The following SOX13 variants were observed in gnomAD, a reference collection of about 807,000 sequenced individuals.
SOX13 encodes the protein SRY-box transcription factor 13.
A neutral mutation model predicts 71.8 loss-of-function variants in SOX13; 28 were observed. That is an observed-to-expected ratio of 0.39 (90% confidence interval 0.29 to 0.53). The LOEUF is 0.53. Ranked by LOEUF, SOX13 falls within the 20% of genes least tolerant of loss-of-function variation. The probability of loss-of-function intolerance (pLI) is 0.70; values close to 1 mark genes in which losing one functional copy is unlikely to be tolerated. For synonymous variants in SOX13, 309 were observed against 317.8 expected, an observed-to-expected ratio of 0.97 and a Z score of 0.29; for missense variants, 627 against 810.3, an observed-to-expected ratio of 0.77 and a Z score of 2.75.
Position 204,085,848 on chromosome 1 carries a change from C to T in SOX13, c.-2+12137C>T, listed in dbSNP as rs190704115. 9.9e-5 allele frequency among the ~76,000 whole-genome samples: 15 copies of T among 151,308 alleles called. 1 individual carries two copies. The East Asian group carries it at 2.5e-3, about 26-fold the overall frequency. ...CAAAAAAATTAGCTGGGCGTGGTGC[C>T]GGGGGCCTGTAGTCCCAGCTACTCG... On this transcript the variant is annotated intron_variant, in intron 1 of 13. Coordinates refer to ENST00000367204, the MANE Select transcript of SOX13 (RefSeq NM_005686.3).
chr1:204,102,621 G>C (rs1656383731), intron 1 of SOX13, among the ~76,000 whole-genome samples: 1 of 151,734 alleles, frequency 6.6e-6, no homozygotes, highest in Non-Finnish European at 1.5e-5. Flanking sequence ...ACATGGAGCA[G>C]ATGGAGGAGG....
At chr1:204,075,910 A>G (rs186094906) in intron 1 of SOX13, among the ~76,000 whole-genome samples, 1 of 152,314 alleles carries the variant, frequency 6.6e-6, no homozygotes, top group East Asian at 1.9e-4. Context: ...AGAGCCCAGA[A>G]GAGCACTTGG....
chr1:204,105,438 C>T (rs1476731281), intron 1 of SOX13, among the ~76,000 whole-genome samples: 11 of 109,864 alleles, frequency 1.0e-4, no homozygotes, highest in African/African-American at 5.6e-4. Flanking sequence ...CAGAGTCTCC[C>T]TCAGTCACCC....
At chr1:204,102,775 A>C (rs751162913) in intron 1 of SOX13, among the ~76,000 whole-genome samples, 1 of 151,920 alleles carries the variant, frequency 6.6e-6, no homozygotes, top group African/African-American at 2.4e-5. Context: ...CTCTATCTCT[A>C]TGGGGTAGGT....
chr1:204,126,023 C>T lies in SOX13; in HGVS notation c.1758C>T (p.Gly586=), dbSNP rs770932699. ...NTCSLREEGE[G]TDDRHSVADG... ...GCAGCCTCAGAGAGGAGGGTGAGGG[C>T]ACAGATGACAGGCACTCGGTGGCTG... The change falls in exon 14 of 14, where the codon GGC becomes GGT. Residue 586 remains glycine (G), a synonymous_variant. Transcript: ENST00000367204. 8.1e-6 allele frequency: 13 copies of T among 1,613,856 alleles called. No individual in the cohort carries two copies. Among genetic ancestry groups the T allele is most frequent in the Non-Finnish European group, 1.1e-5 (13 of 1,179,906 alleles).
At chr1:204,107,036 A>G (rs1017143750) in intron 1 of SOX13, among the ~76,000 whole-genome samples, 8 of 152,222 alleles carry the variant, frequency 5.3e-5, no homozygotes, top group African/African-American at 1.9e-4. Context: ...ATGATTGGTC[A>G]GAGTTGGGAT....
chr1:204,112,037 A>G (rs1656588746), intron 1 of SOX13, among the ~76,000 whole-genome samples: 1 of 152,228 alleles, frequency 6.6e-6, no homozygotes, highest in South Asian at 2.1e-4. Context: ...AGAAATACCC[A>G]TTACTCAATT....
At chr1:204,113,186 C>A in intron 2 of SOX13, 52 bp downstream of exon 2, 1 of 1,408,912 alleles carries the variant, frequency 7.1e-7, no homozygotes, top group Admixed American at 2.6e-5. Context: ...TGTACCTGGG[C>A]TCTCTGCTCG....
chr1:204,114,759 G>T (rs1277123397), intron 4 of SOX13, among the ~76,000 whole-genome samples, 154 bp downstream of exon 4: 1 of 152,064 alleles, frequency 6.6e-6, no homozygotes, highest in African/African-American at 2.4e-5. Context: ...ACCATCCCTC[G>T]CCTGGAGGCC....
intron 1 of SOX13, among the ~76,000 whole-genome samples, chr1:204,091,657 A>G (rs1656146397): frequency 1.3e-5 from 2 of 152,116 alleles, no homozygotes. Context: ...CTGGGGTTTG[A>G]GTCCTGGCTC....
chr1:204,111,091 G>A (rs929226058), intron 1 of SOX13, among the ~76,000 whole-genome samples: 4 of 152,118 alleles, frequency 2.6e-5, no homozygotes, highest in Non-Finnish European at 5.9e-5. Flanking sequence ...TCCTTATACT[G>A]CATTCCAACT....
At chr1:204,077,457 C>A (rs377478737) in intron 1 of SOX13, among the ~76,000 whole-genome samples, 1 of 152,188 alleles carries the variant, frequency 6.6e-6, no homozygotes, top group Non-Finnish European at 1.5e-5. Flanking sequence ...TTGCTGTAGA[C>A]CCTTTTGTCC....
intron 13 of SOX13, among the ~76,000 whole-genome samples, chr1:204,125,154 T>C (rs111235779): frequency 0.018 from 2,767 of 152,246 alleles, 39 homozygotes; most frequent in Non-Finnish European, 0.029. Context: ...ATAAACTCAA[T>C]AGAAATTCAG....
chr1:204,114,694 C>G, intron 4 of SOX13, 89 bp downstream of exon 4: 1 of 977,678 alleles, frequency 1.0e-6, no homozygotes, highest in African/African-American at 1.6e-5. Flanking sequence ...TAGGGCAGTT[C>G]TTGGTACATA....
At chr1:204,078,664 C>G (rs1166046801) in intron 1 of SOX13, among the ~76,000 whole-genome samples, 1 of 152,148 alleles carries the variant, frequency 6.6e-6, no homozygotes, top group Non-Finnish European at 1.5e-5. Flanking sequence ...AGATGGGGAA[C>G]TAGACCCATG....
chr1:204,090,781 T>C (rs1231612970), intron 1 of SOX13, among the ~76,000 whole-genome samples: 1 of 152,124 alleles, frequency 6.6e-6, no homozygotes, highest in Admixed American at 6.5e-5. Flanking sequence ...GTGAATTTGG[T>C]AAGTGTGTAT....
At chr1:204,101,713 GC>G in intron 1 of SOX13, among the ~76,000 whole-genome samples, 1 of 152,108 alleles carries the variant, frequency 6.6e-6, no homozygotes. Context: ...GGTATTGTTA[GC>G]CCCCATTTCA....
At position 204,081,814 on chromosome 1, in the gene SOX13, T is replaced by C. The variant is rs912066555; in HGVS notation, c.-2+8103T>C. 1.3e-5 allele frequency among the ~76,000 whole-genome samples: 2 copies of C among 150,464 alleles called. No individual in the cohort carries two copies. Among genetic ancestry groups the C allele is most frequent in the East Asian group, 4.0e-4 (2 of 4,940 alleles). On this transcript the variant is annotated intron_variant, in intron 1 of 13. Coordinates refer to ENST00000367204, the MANE Select transcript of SOX13 (RefSeq NM_005686.3). The surrounding 1 kb of genome is among the most constrained non-coding windows in gnomAD (Gnocchi z 4.3). ...CCAGCCCTACTGAAGGAGTCTGAAG[T>C]CACTCAACCATCCTTGTGAGGTTTT...
rs1027810950 is a variant in SOX13, at chr1:204,108,722, G to C, written c.-1-4193G>C. On this transcript the variant is annotated intron_variant, in intron 1 of 13. Coordinates refer to ENST00000367204, the MANE Select transcript of SOX13 (RefSeq NM_005686.3). ...GAGGTGGCGCTGAGCCGACGGATCAGAGGCCCACAGGCCCGCATTGTGCGC... is the reference window on the plus strand; with the variant it reads ...GAGGTGGCGCTGAGCCGACGGATCACAGGCCCACAGGCCCGCATTGTGCGC... 7.2e-5 allele frequency among the ~76,000 whole-genome samples: 11 copies of C among 152,332 alleles called. No homozygotes were observed. In the East Asian group the frequency reaches 1.4e-3, roughly 19 times the overall value.
Sources: gnomAD v4.1 joint callset for allele counts (sites outside exome capture counted in the v4.1 genomes callset) on GRCh38, gnomAD v4.1.1 for gene constraint, Gnocchi (gnomAD v3.1) non-coding constraint, MANE v1.5 for transcripts, NCBI Gene and HGNC (gene_info 2026-07-23, HGNC 2026-07-21) for gene names.